RPS6KA6: variants seen among roughly 807,000 people sequenced by gnomAD.
The protein encoded by RPS6KA6 is ribosomal protein S6 kinase alpha-6.
RPS6KA6 carries 27 observed loss-of-function variants against 65.4 expected under a neutral mutation model. That is an observed-to-expected ratio of 0.41 (90% CI 0.30 to 0.57). RPS6KA6 has a LOEUF of 0.57. RPS6KA6 is among the 20% of genes least tolerant of loss of function. The pLI is 0.24. For synonymous variants in RPS6KA6, 190 were observed against 184.2 expected (o/e 1.03, Z -0.26); for missense variants, 486 against 555.6 (o/e 0.87, Z 1.26).
chrX:84,059,090 A>T lies in RPS6KA6; in HGVS notation c.*5187T>A, dbSNP rs1602358514. Reference sequence around the variant, plus strand: ...TTGGATATTTAAGGTTTAATGTGTAACTTTTTAAATGGCTGTTTCTTTTCT... The same window carrying T: ...TTGGATATTTAAGGTTTAATGTGTATCTTTTTAAATGGCTGTTTCTTTTCT... On this transcript the variant is annotated 3_prime_UTR_variant, in exon 22 of 22. Coordinates refer to ENST00000262752, the MANE Select transcript of RPS6KA6 (RefSeq NM_014496.5). 1.1e-5 allele frequency: 1 copy of T among 92,771 alleles called. No individual in the cohort carries two copies. The highest frequency in any genetic ancestry group is 1.2e-4 in the Admixed American group (1 of 8,518). The allele number at this position is 92,771 out of a possible 1,213,427, so 7.6% of individuals were successfully genotyped here. A position where few individuals can be genotyped will look rare whatever the true frequency, so the allele number is the denominator to read the frequency against.
intron 12 of RPS6KA6, among the ~76,000 whole-genome samples, chrX:84,108,963 A>C (rs964155739): frequency 7.2e-5 from 8 of 111,783 alleles, no homozygotes; most frequent in African/African-American, 2.6e-4. Flanking sequence ...CCTTACATGT[A>C]TATACTGGCC....
At chrX:84,083,621 T>C (rs1412428166) in intron 20 of RPS6KA6, among the ~76,000 whole-genome samples, 1 of 112,641 alleles carries the variant, frequency 8.9e-6, no homozygotes, top group African/African-American at 3.2e-5. Context: ...CAGTCTATCA[T>C]TGATGGGCAT....
intron 20 of RPS6KA6, among the ~76,000 whole-genome samples, chrX:84,092,460 G>A (rs772838044): frequency 9.1e-6 from 1 of 109,659 alleles, no homozygotes; most frequent in Non-Finnish European, 1.9e-5. Context: ...CATCTCTACT[G>A]AATATACAAA....
intron 6 of RPS6KA6, among the ~76,000 whole-genome samples, chrX:84,136,552 T>C (rs746636805): frequency 9.0e-6 from 1 of 111,690 alleles, no homozygotes; most frequent in East Asian, 2.8e-4. Context: ...AAAATAACTG[T>C]TGCCTATTCA....
At chrX:84,157,468 T>TA (rs1415349906) in intron 2 of RPS6KA6, among the ~76,000 whole-genome samples, 1 of 111,559 alleles carries the variant, frequency 9.0e-6, no homozygotes, top group African/African-American at 3.3e-5. Context: ...GGTCCTTTTT[T>TA]AAAAAAGTAA....
chrX:84,113,281 G>C (rs5922915), intron 12 of RPS6KA6, among the ~76,000 whole-genome samples: 60,554 of 110,109 alleles, frequency 0.55, 13,675 homozygotes, highest in Non-Finnish European at 0.71. Flanking sequence ...CCCAAAAATT[G>C]AGGAGTTGGG....
chrX:84,121,649 A>G (rs1317018293), intron 8 of RPS6KA6, among the ~76,000 whole-genome samples: 2 of 112,041 alleles, frequency 1.8e-5, no homozygotes, highest in Non-Finnish European at 3.8e-5. Context: ...GCAAAGGTGC[A>G]AAAGCAATTC....
At position 84,064,196 on chromosome X, in the gene RPS6KA6, C is replaced by T. The variant is rs1283753076; in HGVS notation, c.*81G>A. 4.8e-6 allele frequency: 5 copies of T among 1,039,218 alleles called. No homozygotes were observed. The highest frequency in any genetic ancestry group is 3.2e-5 in the East Asian group (1 of 31,221). The allele number at this position is 1,039,218 out of a possible 1,213,427, so 85.6% of individuals were successfully genotyped here. On this transcript the variant is annotated 3_prime_UTR_variant, in exon 22 of 22. Transcript: ENST00000262752. ...AATATTCAAGTAATTTAGCAGACAACGATGCCTTTGATAAGAATAGGAAAA... is the reference window on the plus strand; with the variant it reads ...AATATTCAAGTAATTTAGCAGACAATGATGCCTTTGATAAGAATAGGAAAA...
At chrX:84,105,171 TAAAC>T (rs1360922659) in intron 16 of RPS6KA6, among the ~76,000 whole-genome samples, 2 of 107,733 alleles carry the variant, frequency 1.9e-5, no homozygotes, top group African/African-American at 6.7e-5. Flanking sequence ...GCATGTATGA[TAAAC>T]ACACACACAC....
At chrX:84,153,564 A>T (rs2035366085) in intron 3 of RPS6KA6, among the ~76,000 whole-genome samples, 1 of 111,893 alleles carries the variant, frequency 8.9e-6, no homozygotes, top group Non-Finnish European at 1.9e-5. Flanking sequence ...ATAGACAATA[A>T]AAACATTTAA....
At chrX:84,109,015 G>A (rs772243260) in intron 12 of RPS6KA6, among the ~76,000 whole-genome samples, 20 of 110,975 alleles carry the variant, frequency 1.8e-4, no homozygotes, top group African/African-American at 6.2e-4. Flanking sequence ...CCAGAGGCTC[G>A]TGACCCGCTC....
intron 3 of RPS6KA6, among the ~76,000 whole-genome samples, chrX:84,155,871 A>G (rs2035407750): frequency 1.8e-5 from 2 of 112,288 alleles, no homozygotes; most frequent in Admixed American, 1.9e-4. Context: ...AGGGAATTGG[A>G]AAACCTTGAT....
chrX:84,097,012 T>C (rs1417872905), intron 19 of RPS6KA6, among the ~76,000 whole-genome samples: 1 of 111,460 alleles, frequency 9.0e-6, no homozygotes, highest in Non-Finnish European at 1.9e-5. Flanking sequence ...CATTAAACAA[T>C]TTAGAGTCAC....
intron 13 of RPS6KA6, 112 bp downstream of exon 13, chrX:84,107,511 A>AC: frequency 2.2e-6 from 1 of 461,139 alleles, no homozygotes; most frequent in Non-Finnish European, 3.6e-6. Context: ...CCCATGGACA[A>AC]ATCAACTCTC....
At chrX:84,147,392 C>T (rs1050214512) in intron 4 of RPS6KA6, among the ~76,000 whole-genome samples, 4 of 111,411 alleles carry the variant, frequency 3.6e-5, no homozygotes, top group Admixed American at 1.9e-4. Context: ...CTGCAACCTC[C>T]ACCTCCCAGG....
At chrX:84,069,789 G>A (rs1272540845) in intron 20 of RPS6KA6, among the ~76,000 whole-genome samples, 2 of 111,933 alleles carry the variant, frequency 1.8e-5, no homozygotes, top group African/African-American at 6.5e-5. Flanking sequence ...ACATTTATAC[G>A]GCCAAAAACA....
At chrX:84,073,141 A>G (rs2033584273) in intron 20 of RPS6KA6, among the ~76,000 whole-genome samples, 1 of 111,842 alleles carries the variant, frequency 8.9e-6, no homozygotes, top group African/African-American at 3.2e-5. Flanking sequence ...ATAAAGCTAT[A>G]GTAACCAAAA....
At chrX:84,109,678 C>T (rs1317109030) in intron 12 of RPS6KA6, among the ~76,000 whole-genome samples, 1 of 110,678 alleles carries the variant, frequency 9.0e-6, no homozygotes, top group African/African-American at 3.3e-5. Context: ...CCCTAGGACT[C>T]CCACTTCCAG....
intron 20 of RPS6KA6, among the ~76,000 whole-genome samples, chrX:84,073,180 T>C (rs2033585200): frequency 9.0e-6 from 1 of 111,407 alleles, no homozygotes; most frequent in African/African-American, 3.3e-5. Flanking sequence ...AAAATAAACA[T>C]ATAGACCAAT....
Sources: gnomAD v4.1 joint callset for allele counts (sites outside exome capture counted in the v4.1 genomes callset) on GRCh38, gnomAD v4.1.1 for gene constraint, MANE v1.5 for transcripts, NCBI Gene and HGNC (gene_info 2026-07-23, HGNC 2026-07-21) for gene names.